PMEPA1: variants seen among roughly 807,000 people sequenced by gnomAD.
PMEPA1 encodes the protein prostate transmembrane protein, androgen induced 1.
A neutral mutation model predicts 23.0 loss-of-function variants in PMEPA1; 11 were observed. The observed-to-expected ratio is 0.48, with a 90% CI of 0.30 to 0.79. The LOEUF (loss-of-function observed/expected upper bound fraction) is 0.79, where lower values mean the gene tolerates loss of function less well. PMEPA1 is among the 30% of genes least tolerant of loss of function. PMEPA1 has a pLI of 0.06. For missense variants in PMEPA1, 377 were observed against 390.9 expected (o/e 0.96, Z 0.30); for synonymous variants, 204 against 166.4 (o/e 1.23, Z -1.74).
At chr20:57,668,463 A>G (rs1173661166) in intron 1 of PMEPA1, among the ~76,000 whole-genome samples, 1 of 152,208 alleles carries the variant, frequency 6.6e-6, no homozygotes, top group East Asian at 1.9e-4. Context: ...GAACCTCTTG[A>G]GTCAAGAACT....
chr20:57,693,141 C>CG (rs2071904422), intron 1 of PMEPA1, among the ~76,000 whole-genome samples: 1 of 152,200 alleles, frequency 6.6e-6, no homozygotes, highest in Non-Finnish European at 1.5e-5. Flanking sequence ...GTCTGAAGCC[C>CG]GCCTACCCCA....
At chr20:57,659,879 G>C (rs2071388839) in intron 1 of PMEPA1, among the ~76,000 whole-genome samples, 182 bp from the exon 2 acceptor site, 1 of 152,254 alleles carries the variant, frequency 6.6e-6, no homozygotes, top group Admixed American at 6.5e-5. Context: ...GTACGTGCAG[G>C]GAAGCTGCTC....
rs1379288431 is a variant in PMEPA1 at position 57,649,553 on chromosome 20, C to T, written c.*2500G>A. ...AAATCCAGACCATACCATGAAGCAACGAGACCCAAACAGTTTGGCTCAAGA... is the reference window on the plus strand; with the variant it reads ...AAATCCAGACCATACCATGAAGCAATGAGACCCAAACAGTTTGGCTCAAGA... On this transcript the variant is annotated 3_prime_UTR_variant, in exon 4 of 4. Transcript: ENST00000341744. 2.0e-5 allele frequency: 3 copies of T among 152,220 alleles called. No individual in the cohort carries two copies. Among genetic ancestry groups the T allele is most frequent in the African/African-American group, 2.4e-5 (1 of 41,420 alleles). The allele number at this position is 152,220 out of a possible 1,614,324, so 9.4% of individuals were successfully genotyped here.
chr20:57,707,275 A>G (rs1568690418), intron 1 of PMEPA1, among the ~76,000 whole-genome samples: 1 of 151,716 alleles, frequency 6.6e-6, no homozygotes, highest in Non-Finnish European at 1.5e-5. Flanking sequence ...GTGTAAAGAA[A>G]CTCCAGGAGA....
chr20:57,659,038 G>A (rs1235264358), intron 2 of PMEPA1, among the ~76,000 whole-genome samples: 1 of 152,230 alleles, frequency 6.6e-6, no homozygotes, highest in Non-Finnish European at 1.5e-5. Flanking sequence ...AGCCTCGAGA[G>A]ATGTGGGTCA....
At chr20:57,684,144 T>G (rs1385211621) in intron 1 of PMEPA1, among the ~76,000 whole-genome samples, 2 of 152,086 alleles carry the variant, frequency 1.3e-5, no homozygotes, top group Non-Finnish European at 2.9e-5. Context: ...TGACTCCCCC[T>G]CCCCAGCTTT....
intron 1 of PMEPA1, among the ~76,000 whole-genome samples, chr20:57,671,955 T>C (rs1482954811): frequency 6.6e-6 from 1 of 152,210 alleles, no homozygotes; most frequent in African/African-American, 2.4e-5. Flanking sequence ...TTCAGTCTGA[T>C]AATGGATGGA....
chr20:57,675,498 C>T, intron 1 of PMEPA1, among the ~76,000 whole-genome samples: 1 of 152,258 alleles, frequency 6.6e-6, no homozygotes, highest in African/African-American at 2.4e-5. Context: ...GCGCTTGGCT[C>T]ATCACCTTCA....
In PMEPA1 at chr20:57,652,367, G is replaced by T; in HGVS notation, c.550C>A (p.Arg184Ser). Residue 184 changes from arginine to serine, a missense_variant, in exon 4 of 4, where the codon CGC becomes AGC. By Grantham distance (110) the Arg-to-Ser change is moderately radical. Transcript: ENST00000341744. This position sits in a 1 kb window ranked among gnomAD's most constrained non-coding sequence, Gnocchi z 6.1. Reference protein sequence around the residue: ...QQLELNRESVRAPPNRTIFDS... With the variant: ...QQLELNRESVSAPPNRTIFDS... The stretch of plus-strand genomic sequence containing the variant: ...AAGATGGTTCTGTTTGGGGGTGCGC[G>T]CACCGACTCCCGGTTCAGTTCCAGC... 6.2e-7 allele frequency: 1 copy of T among 1,613,408 alleles called. No individual in the cohort carries two copies.
chr20:57,659,409 G>A, intron 2 of PMEPA1, 134 bp downstream of exon 2: 2 of 920,594 alleles, frequency 2.2e-6, no homozygotes, highest in Admixed American at 5.3e-5. Context: ...GCTGTCAGGT[G>A]GGCTCCCCAG....
At chr20:57,667,641 G>A (rs1391566480) in intron 1 of PMEPA1, among the ~76,000 whole-genome samples, 1 of 152,208 alleles carries the variant, frequency 6.6e-6, no homozygotes, top group Non-Finnish European at 1.5e-5. Context: ...GCCCTGTCTG[G>A]CCTCCTGGCC....
chr20:57,668,615 C>T (rs1568969746), intron 1 of PMEPA1, among the ~76,000 whole-genome samples: 1 of 152,192 alleles, frequency 6.6e-6, no homozygotes, highest in East Asian at 1.9e-4. Context: ...GCAGTGTAGG[C>T]TGGAGCACCT....
chr20:57,665,588 A>G (rs1456516854), intron 1 of PMEPA1, among the ~76,000 whole-genome samples: 2 of 152,032 alleles, frequency 1.3e-5, no homozygotes, highest in Admixed American at 1.3e-4. Flanking sequence ...AGAACGTAGC[A>G]CACTCAACTG....
intron 1 of PMEPA1, among the ~76,000 whole-genome samples, chr20:57,699,226 A>G (rs1375207805): frequency 6.6e-6 from 1 of 152,204 alleles, no homozygotes; most frequent in African/African-American, 2.4e-5. Flanking sequence ...GCTTGATGCA[A>G]GAAGGAGCCA....
upstream of PMEPA1, chr20:57,711,195 G>T (rs1464627962): frequency 2.0e-5 from 3 of 152,098 alleles, no homozygotes; most frequent in Admixed American, 1.3e-4. Context: ...TCAGTAATTA[G>T]CAGGGACTTA....
intron 2 of PMEPA1, among the ~76,000 whole-genome samples, chr20:57,657,365 G>A (rs1376093761): frequency 1.3e-5 from 2 of 152,194 alleles, no homozygotes; most frequent in Non-Finnish European, 2.9e-5. Context: ...AATAGGCTGT[G>A]GGCTCTTCAC....
At position 57,652,138 on chromosome 20, in the gene PMEPA1, C is replaced by T. The variant is rs1443065402; in HGVS notation, c.779G>A (p.Arg260Gln). 6.3e-7 allele frequency: 1 copy of T among 1,596,092 alleles called. No individual in the cohort carries two copies. The highest frequency in any genetic ancestry group is 1.3e-5 in the African/African-American group (1 of 74,746). ...SGPPSLLEGT[R>Q]LHHTHIAPLE... The stretch of plus-strand genomic sequence containing the variant: ...GGGCGCGATGTGTGTGTGGTGGAGC[C>T]GGGTCCCCTCCAGCAAGGAGGGCGG... The change falls in exon 4 of 4, where the codon CGG becomes CAG. Residue 260 changes from arginine (R) to glutamine (Q), a missense_variant. Physicochemically the swap from Arg to Gln is conservative, Grantham distance 43. Around this residue, in one of 3 missense-constraint regions of PMEPA1, gnomAD observed 176 missense variants for 173.0 expected, o/e 1.02. Transcript: ENST00000341744. This position sits in a 1 kb window ranked among gnomAD's most constrained non-coding sequence, Gnocchi z 6.1.
At chr20:57,666,524 G>A (rs1009501215) in intron 1 of PMEPA1, among the ~76,000 whole-genome samples, 20 of 152,146 alleles carry the variant, frequency 1.3e-4, no homozygotes, top group Non-Finnish European at 1.6e-4. Context: ...AAGCCTGACC[G>A]TTTGCCCGAC....
Position 57,652,919 on chromosome 20 carries a change from A to T in PMEPA1, c.318+114T>A. On this transcript the variant is annotated intron_variant, in intron 3 of 3. Coordinates refer to ENST00000341744, the MANE Select transcript of PMEPA1 (RefSeq NM_020182.5). This position sits in a 1 kb window ranked among gnomAD's most constrained non-coding sequence, Gnocchi z 6.1. The stretch of plus-strand genomic sequence containing the variant: ...CAAGGAGGATCCCAGCAGCAAGGGC[A>T]CTGCAGAGGAGGGCGGAGGGGTGAG... 1.2e-6 allele frequency: 1 copy of T among 867,766 alleles called. No homozygotes were observed. 53.8% of individuals were successfully genotyped at this position (867,766 alleles called of 1,614,324 possible).
Sources: allele counts gnomAD v4.1 joint callset (sites outside exome capture counted in the v4.1 genomes callset), GRCh38; gene constraint gnomAD v4.1.1; regional missense constraint gnomAD v4.1.1; non-coding constraint Gnocchi (gnomAD v3.1); transcripts MANE v1.5; gene names NCBI Gene and HGNC (gene_info 2026-07-23, HGNC 2026-07-21).